Variants in KCNK10 observed in about 807,000 individuals in gnomAD.
KCNK10 encodes the protein potassium two pore domain channel subfamily K member 10.
A neutral mutation model predicts 47.7 loss-of-function variants in KCNK10; 25 were observed. The observed-to-expected ratio is 0.52, with a 90% CI of 0.38 to 0.73. KCNK10 has a LOEUF of 0.73. Among genes scored for constraint, KCNK10 ranks in the 30% least tolerant of loss-of-function variants. The probability of loss-of-function intolerance (pLI) is 0.00; values close to 1 mark genes in which losing one functional copy is unlikely to be tolerated. For synonymous variants in KCNK10, 303 were observed against 285.6 expected, an observed-to-expected ratio of 1.06 and a Z score of -0.61; for missense variants, 563 against 714.5, an observed-to-expected ratio of 0.79 and a Z score of 2.42.
chr14:88,300,747 TA>T (rs1342248235), intron 1 of KCNK10, among the ~76,000 whole-genome samples: 2 of 152,346 alleles, frequency 1.3e-5, no homozygotes, highest in East Asian at 3.9e-4. Flanking sequence ...GATTCATTCC[TA>T]ATGCTTCTTT....
At chr14:88,211,977 A>G (rs531952597) in intron 4 of KCNK10, among the ~76,000 whole-genome samples, 2 of 151,998 alleles carry the variant, frequency 1.3e-5, no homozygotes, top group Non-Finnish European at 2.9e-5. Context: ...AAAGCCCAGA[A>G]TGTCATGGAA....
intron 1 of KCNK10, among the ~76,000 whole-genome samples, chr14:88,300,799 G>A (rs187739011): frequency 5.4e-4 from 82 of 152,244 alleles, no homozygotes; most frequent in African/African-American, 1.9e-3. Flanking sequence ...TGAATGAATG[G>A]AGTCCAGAAT....
upstream of KCNK10, among the ~76,000 whole-genome samples, chr14:88,325,494 G>A (rs1369165266): frequency 6.6e-6 from 1 of 152,184 alleles, no homozygotes; most frequent in African/African-American, 2.4e-5. Flanking sequence ...AAGGCTCAGA[G>A]AGATAAAGAA....
intron 1 of KCNK10, among the ~76,000 whole-genome samples, chr14:88,272,832 G>C (rs1182605745): frequency 6.6e-6 from 1 of 152,160 alleles, no homozygotes; most frequent in African/African-American, 2.4e-5. Flanking sequence ...AGCAGCAGAG[G>C]AGGAGTCAGA....
chr14:88,309,935 T>C (rs1005974599), intron 1 of KCNK10, among the ~76,000 whole-genome samples: 1 of 151,940 alleles, frequency 6.6e-6, no homozygotes, highest in East Asian at 2.0e-4. Flanking sequence ...GCTCTCAGTC[T>C]GCTCCCTACA....
At chr14:88,246,202 G>T (rs1333904810) in intron 2 of KCNK10, among the ~76,000 whole-genome samples, 1 of 151,186 alleles carries the variant, frequency 6.6e-6, no homozygotes, top group Non-Finnish European at 1.5e-5. Flanking sequence ...GGCTGAGCTT[G>T]CGGTGAGCCC....
chr14:88,326,709 A>C, upstream of KCNK10: 1 of 519,560 alleles, frequency 1.9e-6, no homozygotes, highest in Non-Finnish European at 3.4e-6. Flanking sequence ...CTGCAGCTCA[A>C]AACCTGCCCG....
At chr14:88,188,978 C>T (rs977314711) in intron 5 of KCNK10, among the ~76,000 whole-genome samples, 3 of 152,194 alleles carry the variant, frequency 2.0e-5, no homozygotes, top group African/African-American at 7.2e-5. Context: ...CTGGAAATAA[C>T]GGACATCAGC....
chr14:88,269,705 G>A lies in KCNK10; in HGVS notation c.53-6154C>T, dbSNP rs143634062. 3.2e-3 allele frequency among the ~76,000 whole-genome samples: 487 copies of A among 152,216 alleles called. 6 individuals are homozygous for A. The highest frequency in any genetic ancestry group is 0.011 in the African/African-American group (452 of 41,514). On this transcript the variant is annotated intron_variant, in intron 1 of 6. Coordinates refer to ENST00000319231, the MANE Select transcript of KCNK10 (RefSeq NM_138317.3). The stretch of plus-strand genomic sequence containing the variant: ...GCCAGCATCGACCTCCTAAAGTGCT[G>A]GGATTACAAGTATGAGCCACTGCAC...
chr14:88,270,871 G>A (rs546315252), intron 1 of KCNK10: 35 of 778,446 alleles, frequency 4.5e-5, no homozygotes, highest in Non-Finnish European at 6.5e-5. Context: ...CTCTGAAGGC[G>A]CCACCAACAT....
intron 4 of KCNK10, among the ~76,000 whole-genome samples, chr14:88,203,790 A>G (rs1291098862): frequency 1.3e-5 from 2 of 152,190 alleles, no homozygotes; most frequent in African/African-American, 4.8e-5. Context: ...ATCAGTGGTT[A>G]GAGCAGAGGT....
intron 4 of KCNK10, among the ~76,000 whole-genome samples, chr14:88,209,668 T>G (rs1885393880): frequency 6.6e-6 from 1 of 152,214 alleles, no homozygotes; most frequent in Non-Finnish European, 1.5e-5. Flanking sequence ...CTACCCTTTC[T>G]GGGGCCCCCT....
At chr14:88,262,562 A>C (rs1887140470) in intron 2 of KCNK10, among the ~76,000 whole-genome samples, 1 of 152,202 alleles carries the variant, frequency 6.6e-6, no homozygotes, top group East Asian at 1.9e-4. Context: ...GCTGCAGTTC[A>C]AGTTCTCTGC....
intron 1 of KCNK10, among the ~76,000 whole-genome samples, chr14:88,289,647 T>A (rs927331475): frequency 2.6e-5 from 4 of 152,216 alleles, no homozygotes; most frequent in African/African-American, 9.6e-5. Context: ...AACCCACCCA[T>A]CTTTTAAGGG....
chr14:88,283,532 G>A (rs1000115714), intron 1 of KCNK10, among the ~76,000 whole-genome samples: 1 of 152,220 alleles, frequency 6.6e-6, no homozygotes, highest in Non-Finnish European at 1.5e-5. Context: ...TATGTCAGAG[G>A]TGTGGGTTTC....
At chr14:88,265,669 C>T (rs1887232492) in intron 1 of KCNK10, among the ~76,000 whole-genome samples, 1 of 152,218 alleles carries the variant, frequency 6.6e-6, no homozygotes, top group African/African-American at 2.4e-5. Flanking sequence ...ACCCAAATCT[C>T]ACCTTAAATT....
intron 2 of KCNK10, among the ~76,000 whole-genome samples, chr14:88,257,517 T>C (rs1246340520): frequency 6.6e-6 from 1 of 152,276 alleles, no homozygotes; most frequent in African/African-American, 2.4e-5. Flanking sequence ...AACCATGGCC[T>C]ACCCAATGAA....
chr14:88,284,398 G>A (rs1191335740), intron 1 of KCNK10, among the ~76,000 whole-genome samples: 2 of 152,094 alleles, frequency 1.3e-5, no homozygotes. Flanking sequence ...TTATTAAGGA[G>A]TATTGACTCA....
intron 2 of KCNK10, among the ~76,000 whole-genome samples, chr14:88,249,043 T>G (rs570936454): frequency 6.6e-6 from 1 of 152,340 alleles, no homozygotes; most frequent in Non-Finnish European, 1.5e-5. Flanking sequence ...CTTCCACGAA[T>G]AGTTCTCTGT....
Sources: allele counts gnomAD v4.1 joint callset (sites outside exome capture counted in the v4.1 genomes callset), GRCh38; gene constraint gnomAD v4.1.1; transcripts MANE v1.5; gene names NCBI Gene and HGNC (gene_info 2026-07-23, HGNC 2026-07-21).